ZNF469: variants seen among roughly 807,000 people sequenced by gnomAD.
ZNF469 encodes zinc finger protein 469.
Under a neutral mutation model 1.0 loss-of-function variants are expected in ZNF469, and 1 was observed. The observed-to-expected ratio is 1.00, with a 90% CI of 0.35 to 4.73. The LOEUF is 4.73. Among genes scored for constraint, ZNF469 ranks in the 30% most tolerant of loss-of-function variants. ZNF469 has a pLI of 0.16. For missense variants in ZNF469, 6,100 were observed against 5,356.3 expected, an observed-to-expected ratio of 1.14 and a Z score of -4.33; for synonymous variants, 2,703 against 2,363.4, an observed-to-expected ratio of 1.14 and a Z score of -4.17.
chr16:88,329,728 G>A, the ZNF469 span, among the ~76,000 whole-genome samples: 1 of 152,228 alleles, frequency 6.6e-6, no homozygotes, highest in Non-Finnish European at 1.5e-5. Context: ...GGGGACGGGG[G>A]TCAAGGGAAA....
At chr16:88,381,735 C>T (rs370843968), upstream of ZNF469, among the ~76,000 whole-genome samples, 5 of 152,264 alleles carry the variant, frequency 3.3e-5, no homozygotes, top group East Asian at 1.9e-4. Context: ...TTCACGTTTT[C>T]GCGTCCACTG....
chr16:88,291,468 G>A, the ZNF469 span, among the ~76,000 whole-genome samples: 5,011 of 152,252 alleles, frequency 0.033, 219 homozygotes, highest in East Asian at 0.16. Context: ...TCCTGCTGCC[G>A]GGGAGGCAGA....
In ZNF469 at chr16:88,430,984, C is replaced by T. The variant is rs1480355729; in HGVS notation, c.3514C>T (p.Arg1172Cys). ...RPGPGRSPQA[R>C]GPSRSLETGA... ...GGGCCCCGGCAGGAGCCCTCAGGCC[C>T]GTGGCCCGTCTCGAAGCCTGGAGAC... The change falls in exon 3 of 3, where the codon CGT (arginine) becomes TGT (cysteine). Residue 1172 changes from arginine to cysteine, a missense_variant. Transcript: ENST00000565624. 20 of 1,541,068 alleles carry T rather than the reference C, an allele frequency of 1.3e-5. No homozygotes were observed. In the East Asian group the frequency reaches 3.4e-4, roughly 26 times the overall value.
intron 1 of ZNF469, among the ~76,000 whole-genome samples, chr16:88,390,492 C>A (rs528483863): frequency 5.3e-5 from 8 of 152,354 alleles, no homozygotes; most frequent in African/African-American, 1.9e-4. Flanking sequence ...TGGGAACCCC[C>A]ACTGCTCCTC....
chr16:88,351,299 T>C, the ZNF469 span, among the ~76,000 whole-genome samples: 2 of 152,086 alleles, frequency 1.3e-5, no homozygotes, highest in Non-Finnish European at 2.9e-5. Context: ...TCCCCAGCCA[T>C]ACAATGAGGA....
the ZNF469 span, among the ~76,000 whole-genome samples, chr16:88,151,846 C>G: frequency 5.9e-5 from 9 of 152,206 alleles, no homozygotes; most frequent in African/African-American, 1.7e-4. The surrounding 1 kb of genome is among the most constrained non-coding windows in gnomAD (Gnocchi z 5.4). Context: ...TTAGTAAAGA[C>G]GTCCCCGCAT....
chr16:88,410,914 T>G (rs1323631490), intron 1 of ZNF469, among the ~76,000 whole-genome samples: 1 of 152,094 alleles, frequency 6.6e-6, no homozygotes, highest in Non-Finnish European at 1.5e-5. Context: ...CTCCTCCTCC[T>G]CCAGCCCCTG....
At chr16:88,149,838 C>T in the ZNF469 span, among the ~76,000 whole-genome samples, 3 of 152,324 alleles carry the variant, frequency 2.0e-5, no homozygotes, top group Admixed American at 2.0e-4. Flanking sequence ...TCTATAAACT[C>T]CTTTGCCCCC....
Position 88,405,430 on chromosome 16 carries a change from G to A in ZNF469, c.-191-19377G>A, listed in dbSNP as rs182510049. 9.9e-5 allele frequency among the ~76,000 whole-genome samples: 15 copies of A among 152,266 alleles called. No individual in the cohort carries two copies. In the East Asian group the frequency reaches 1.7e-3, roughly 18 times the overall value. On this transcript the variant is annotated intron_variant, in intron 1 of 2. Transcript: ENST00000565624. Reference sequence around the variant, plus strand: ...CTCCCGGCAACAGTCAGGTGGGGCCGACTGCTGCCACCCCTTGGGATGGGC... The same window carrying A: ...CTCCCGGCAACAGTCAGGTGGGGCCAACTGCTGCCACCCCTTGGGATGGGC...
chr16:88,254,830 C>T, the ZNF469 span, among the ~76,000 whole-genome samples: 12 of 151,604 alleles, frequency 7.9e-5, no homozygotes, highest in South Asian at 2.3e-3. Flanking sequence ...AACAGCTTAT[C>T]GACTTCCACA....
chr16:88,246,677 C>A, the ZNF469 span, among the ~76,000 whole-genome samples: 1 of 152,184 alleles, frequency 6.6e-6, no homozygotes, highest in African/African-American at 2.4e-5. Context: ...GGTACAGGGA[C>A]CACACTTTGA....
chr16:88,285,977 C>G, the ZNF469 span, among the ~76,000 whole-genome samples: 9 of 152,256 alleles, frequency 5.9e-5, no homozygotes, highest in Non-Finnish European at 1.2e-4. Flanking sequence ...TGCTCAGCCC[C>G]CATCGGACCC....
the ZNF469 span, among the ~76,000 whole-genome samples, chr16:88,129,729 G>A: frequency 3.3e-5 from 5 of 152,170 alleles, no homozygotes; most frequent in African/African-American, 4.8e-5. Context: ...ATGTGGTGGC[G>A]CACGCCTGCA....
chr16:88,105,310 T>G, the ZNF469 span, among the ~76,000 whole-genome samples: 1 of 150,306 alleles, frequency 6.7e-6, no homozygotes, highest in South Asian at 2.1e-4. Context: ...TTTCTTTTTT[T>G]TTTTTTTTTT....
intron 1 of ZNF469, among the ~76,000 whole-genome samples, chr16:88,406,482 C>T (rs952656827): frequency 6.6e-6 from 1 of 152,262 alleles, no homozygotes; most frequent in African/African-American, 2.4e-5. Flanking sequence ...GTCCAGGTAG[C>T]CTGCGCCTGC....
At chr16:88,104,050 C>T in the ZNF469 span, among the ~76,000 whole-genome samples, 29 of 152,044 alleles carry the variant, frequency 1.9e-4, no homozygotes, top group Non-Finnish European at 2.9e-4. Flanking sequence ...CCAGGTGGTT[C>T]GTAGGGTGCT....
At chr16:88,198,163 T>A in the ZNF469 span, among the ~76,000 whole-genome samples, 1 of 152,338 alleles carries the variant, frequency 6.6e-6, no homozygotes, top group Admixed American at 6.5e-5. Flanking sequence ...TTTCCTGCCA[T>A]CATGGAGCCT....
chr16:88,193,151 GGA>G, the ZNF469 span, among the ~76,000 whole-genome samples: 2 of 13,482 alleles, frequency 1.5e-4, no homozygotes, highest in East Asian at 3.0e-3. Flanking sequence ...ATGGTGGTGG[GGA>G]TGGTGGTGAT....
At chr16:88,414,139 C>A (rs1448235172) in intron 1 of ZNF469, among the ~76,000 whole-genome samples, 1 of 152,182 alleles carries the variant, frequency 6.6e-6, no homozygotes, top group African/African-American at 2.4e-5. Flanking sequence ...CACCCTGTCA[C>A]CCTCAGGGCC....
Sources: allele counts gnomAD v4.1 joint callset (sites outside exome capture counted in the v4.1 genomes callset), GRCh38; gene constraint gnomAD v4.1.1; non-coding constraint Gnocchi (gnomAD v3.1); transcripts MANE v1.5; gene names NCBI Gene and HGNC (gene_info 2026-07-23, HGNC 2026-07-21).